Variants in GRM7 observed in about 807,000 individuals in gnomAD.
GRM7 encodes glutamate metabotropic receptor 7, also known as metabotropic glutamate receptor 7.
GRM7 carries 35 observed loss-of-function variants against 84.5 expected under a neutral mutation model. That is an observed-to-expected ratio of 0.41 (90% confidence interval 0.32 to 0.55). GRM7 has a LOEUF of 0.55. Among genes scored for constraint, GRM7 ranks in the 20% least tolerant of loss-of-function variants. The pLI, the probability that GRM7 is intolerant of heterozygous loss-of-function variation, is 0.19. For synonymous variants in GRM7, 487 were observed against 455.1 expected (o/e 1.07, Z -0.89); for missense variants, 1,003 against 1,194.6 (o/e 0.84, Z 2.36).
chr3:7,740,292 A>T, intron 9 of GRM7, 65 bp from the exon 10 acceptor site: 3 of 1,042,828 alleles, frequency 2.9e-6, no homozygotes, highest in Non-Finnish European at 4.4e-6. Flanking sequence ...AAAAGTTCTA[A>T]TTCTATTTCT....
chr3:7,645,731 A>G (rs1698606143), intron 8 of GRM7, among the ~76,000 whole-genome samples: 1 of 151,942 alleles, frequency 6.6e-6, no homozygotes, highest in Non-Finnish European at 1.5e-5. Context: ...CTACTGGGAG[A>G]AAGTGTTGAA....
At chr3:6,991,940 G>A (rs753837491) in intron 1 of GRM7, among the ~76,000 whole-genome samples, 22 of 151,158 alleles carry the variant, frequency 1.5e-4, no homozygotes, top group Non-Finnish European at 2.1e-4. Context: ...TCCCTACCTC[G>A]CAGCTCCTTG....
chr3:7,099,723 C>T lies in GRM7; in HGVS notation c.520-46729C>T, dbSNP rs9809621. On this transcript the variant is annotated intron_variant, in intron 1 of 9. Coordinates refer to ENST00000357716, the MANE Select transcript of GRM7 (RefSeq NM_000844.4). ...TACACGCATTATACATGTGCACATA[C>T]ATGTATATGTACACGCATTATACAT... Among the ~76,000 whole-genome samples the T allele has an allele frequency of 3.8e-3, 292 of 76,524 alleles. 117 individuals carry two copies. The African/African-American group carries it at 0.041, about 11-fold the overall frequency. 50.2% of individuals were successfully genotyped at this position (76,524 alleles called of 152,430 possible).
At chr3:7,330,789 T>C (rs1701177566) in intron 4 of GRM7, among the ~76,000 whole-genome samples, 1 of 152,210 alleles carries the variant, frequency 6.6e-6, no homozygotes, top group African/African-American at 2.4e-5. Flanking sequence ...TCTTTACCAG[T>C]AGTGTAAAAA....
At chr3:7,499,923 C>G (rs189710392) in intron 7 of GRM7, among the ~76,000 whole-genome samples, 3 of 152,048 alleles carry the variant, frequency 2.0e-5, no homozygotes, top group African/African-American at 7.2e-5. Flanking sequence ...TACAGGTGCC[C>G]GTCACCACGC....
At chr3:7,178,533 A>T (rs541067356) in intron 2 of GRM7, among the ~76,000 whole-genome samples, 1 of 152,108 alleles carries the variant, frequency 6.6e-6, no homozygotes, top group Non-Finnish European at 1.5e-5. Flanking sequence ...TCTGTCTTCT[A>T]AGCTGTTTGG....
chr3:6,887,263 G>A (rs950474786), intron 1 of GRM7, among the ~76,000 whole-genome samples: 2 of 151,418 alleles, frequency 1.3e-5, no homozygotes, highest in Admixed American at 6.6e-5. Flanking sequence ...AAGTTTTAGG[G>A]TACATGTGCA....
intron 1 of GRM7, among the ~76,000 whole-genome samples, chr3:6,969,573 T>A (rs1307179399): frequency 1.3e-5 from 2 of 152,202 alleles, no homozygotes; most frequent in African/African-American, 2.4e-5. Flanking sequence ...CCAAAATCTG[T>A]GTTTCGTGAC....
rs1694817539 is a variant in GRM7, at chr3:6,863,088, G to A, written c.519+1181G>A. The A allele has an allele frequency of 4.8e-6, 2 of 418,288 alleles. No homozygotes were observed. Among genetic ancestry groups the A allele is most frequent in the South Asian group, 1.7e-5 (1 of 58,528 alleles). 25.9% of individuals were successfully genotyped at this position (418,288 alleles called of 1,614,324 possible). On this transcript the variant is annotated intron_variant, in intron 1 of 9. Transcript: ENST00000357716. The surrounding 1 kb of genome is among the most constrained non-coding windows in gnomAD (Gnocchi z 4.8). Reference sequence around the variant, plus strand: ...CCCTCCTCTGTGTCTTTCCCTATATGTGCATCACTCTCTCTTTCTGTCTCT... The same window carrying A: ...CCCTCCTCTGTGTCTTTCCCTATATATGCATCACTCTCTCTTTCTGTCTCT...
At chr3:7,087,995 A>G (rs1698522603) in intron 1 of GRM7, among the ~76,000 whole-genome samples, 1 of 152,232 alleles carries the variant, frequency 6.6e-6, no homozygotes, top group Non-Finnish European at 1.5e-5. Flanking sequence ...ACTGCTTATA[A>G]CTGTGAATCA....
At position 7,495,632 on chromosome 3, in the gene GRM7, C is replaced by T. The variant is rs150631171; in HGVS notation, c.1515+33910C>T. On this transcript the variant is annotated intron_variant, in intron 7 of 9. Coordinates refer to ENST00000357716, the MANE Select transcript of GRM7 (RefSeq NM_000844.4). ...CAGCAAGGAAAAAAAGTCCCTCTCC[C>T]GATTGCTTATTTCTGATGTGATTCC... Among the ~76,000 whole-genome samples, 31 of 152,246 alleles carry T rather than the reference C, an allele frequency of 2.0e-4. 1 individual carries two copies. The East Asian group carries it at 4.7e-3, about 23-fold the overall frequency.
chr3:7,504,861 T>A (rs1487059212), intron 7 of GRM7, among the ~76,000 whole-genome samples: 1 of 152,142 alleles, frequency 6.6e-6, no homozygotes, highest in Non-Finnish European at 1.5e-5. Context: ...AATAATTAAT[T>A]CCATCCTAAT....
At chr3:7,421,474 C>T (rs952049478) in intron 5 of GRM7, among the ~76,000 whole-genome samples, 1 of 152,136 alleles carries the variant, frequency 6.6e-6, no homozygotes, top group Non-Finnish European at 1.5e-5. Flanking sequence ...TGTAGAAATT[C>T]AATCTTTTTA....
chr3:7,526,513 T>C (rs1559380657), intron 7 of GRM7, among the ~76,000 whole-genome samples: 1 of 152,144 alleles, frequency 6.6e-6, no homozygotes, highest in East Asian at 1.9e-4. Context: ...TCTTTTGCTG[T>C]GCAAAAGTTC....
intron 4 of GRM7, among the ~76,000 whole-genome samples, chr3:7,391,926 T>A (rs916829212): frequency 6.6e-6 from 1 of 152,080 alleles, no homozygotes; most frequent in Non-Finnish European, 1.5e-5. Context: ...CAGGCCCTGA[T>A]GGGAAGAGGC....
At chr3:7,584,713 AC>A (rs1415459369) in intron 8 of GRM7, among the ~76,000 whole-genome samples, 2 of 152,232 alleles carry the variant, frequency 1.3e-5, no homozygotes, top group Non-Finnish European at 2.9e-5. Flanking sequence ...AGCTTAAGGG[AC>A]TGGAAAAGAT....
chr3:6,946,993 T>C (rs1008198536), intron 1 of GRM7, among the ~76,000 whole-genome samples: 7 of 152,236 alleles, frequency 4.6e-5, no homozygotes, highest in Non-Finnish European at 7.3e-5. Context: ...TCATGTCATC[T>C]GCAAACAGGG....
chr3:6,922,178 T>A (rs1697150505), intron 1 of GRM7, among the ~76,000 whole-genome samples: 1 of 152,234 alleles, frequency 6.6e-6, no homozygotes, highest in South Asian at 2.1e-4. Flanking sequence ...ACATAGCCCA[T>A]GCTTTTAACC....
intron 5 of GRM7, among the ~76,000 whole-genome samples, chr3:7,438,650 G>A (rs762898043): frequency 2.0e-5 from 3 of 152,028 alleles, no homozygotes; most frequent in South Asian, 2.1e-4. Flanking sequence ...TACCTAACAC[G>A]GAGGTAGCCA....
Sources: gnomAD v4.1 joint callset for allele counts (sites outside exome capture counted in the v4.1 genomes callset) on GRCh38, gnomAD v4.1.1 for gene constraint, Gnocchi (gnomAD v3.1) non-coding constraint, MANE v1.5 for transcripts, NCBI Gene and HGNC (gene_info 2026-07-23, HGNC 2026-07-21) for gene names.